LRBA: variants seen among roughly 807,000 people sequenced by gnomAD.
LRBA encodes the protein lipopolysaccharide-responsive and beige-like anchor protein.
A neutral mutation model predicts 330.0 loss-of-function variants in LRBA; 176 were observed. The ratio of observed to expected loss-of-function variants is 0.53; its 90% CI spans 0.47 to 0.60. LRBA has a LOEUF of 0.60. Among genes scored for constraint, LRBA ranks in the 20% least tolerant of loss-of-function variants. The pLI is 0.00. For missense variants in LRBA, 3,259 were observed against 3,444.8 expected (o/e 0.95, Z 1.35); for synonymous variants, 1,230 against 1,193.0 (o/e 1.03, Z -0.64).
chr4:150,922,062 C>T (rs987209189), intron 4 of LRBA, among the ~76,000 whole-genome samples: 6 of 151,716 alleles, frequency 4.0e-5, no homozygotes, highest in South Asian at 2.1e-4. Flanking sequence ...GGTTTCACCA[C>T]GTTGGCCAGA....
chr4:150,373,172 T>TGTGTGAGA (rs1283762385), intron 47 of LRBA, among the ~76,000 whole-genome samples: 18 of 97,506 alleles, frequency 1.8e-4, no homozygotes, highest in African/African-American at 7.5e-4. Flanking sequence ...TGTGTGTGTG[T>TGTGTGAGA]GAGAGAGAGA....
intron 40 of LRBA, among the ~76,000 whole-genome samples, chr4:150,532,614 TAA>T (rs1340494645): frequency 1.3e-5 from 2 of 152,144 alleles, no homozygotes; most frequent in Non-Finnish European, 2.9e-5. Flanking sequence ...TTGCTATTTT[TAA>T]AAGTTAATTT....
Position 150,848,835 on chromosome 4 carries a change from C to T in LRBA, c.4322G>A (p.Arg1441Gln), listed in dbSNP as rs1478911025. The change falls in exon 26 of 57, where the codon CGG becomes CAG. Residue 1441 changes from arginine (R) to glutamine (Q), a missense_variant. Physicochemically the swap from Arg to Gln is conservative, Grantham distance 43. Transcript: ENST00000651943. ...EKSMSSGGILRQCLRLVCAVA... is the reference protein window; with the variant it reads ...EKSMSSGGILQQCLRLVCAVA... ...CAGCTCACCTAGTCGGAGACACTGC[C>T]GCAAAATTCCTCCAGATGACATACT... The T allele has an allele frequency of 3.1e-6, 5 of 1,605,046 alleles. No individual in the cohort carries two copies. The highest frequency in any genetic ancestry group is 1.1e-5 in the South Asian group (1 of 89,406).
intron 4 of LRBA, among the ~76,000 whole-genome samples, chr4:150,922,689 C>A (rs1008918311): frequency 5.9e-5 from 9 of 151,888 alleles, no homozygotes; most frequent in African/African-American, 2.2e-4. Flanking sequence ...GTGACGGGTG[C>A]ACCAAAATCT....
intron 37 of LRBA, among the ~76,000 whole-genome samples, chr4:150,601,869 T>G (rs891342124): frequency 6.6e-6 from 1 of 152,040 alleles, no homozygotes; most frequent in Non-Finnish European, 1.5e-5. Flanking sequence ...TTTTTTGTGT[T>G]TTTAGTAGAG....
chr4:150,762,693 A>G (rs1028312688), intron 34 of LRBA, among the ~76,000 whole-genome samples: 3 of 151,932 alleles, frequency 2.0e-5, no homozygotes, highest in African/African-American at 7.2e-5. Flanking sequence ...AACTGGAAAT[A>G]CATACATAAT....
chr4:150,443,868 ATATATTTTTTTTTTTTTTTT>A (rs1490148607), intron 44 of LRBA, among the ~76,000 whole-genome samples: 2 of 55,430 alleles, frequency 3.6e-5, no homozygotes, highest in East Asian at 1.2e-3. Context: ...ATATATATAT[ATATATTTTTTTTTTTTTTTT>A]TTTTTAAAGC....
chr4:150,868,945 A>C (rs1455231406), intron 20 of LRBA, among the ~76,000 whole-genome samples: 1 of 152,244 alleles, frequency 6.6e-6, no homozygotes. Flanking sequence ...CTCAAAAAAA[A>C]ATAATGAAAT....
chr4:150,538,825 A>C (rs1018007220), intron 40 of LRBA, among the ~76,000 whole-genome samples: 30 of 151,812 alleles, frequency 2.0e-4, no homozygotes, highest in South Asian at 4.1e-4. Context: ...AAAAAAAAAA[A>C]AAAAACAAAA....
intron 5 of LRBA, among the ~76,000 whole-genome samples, chr4:150,919,760 T>A (rs16998835): frequency 0.026 from 3,918 of 152,312 alleles, 66 homozygotes; most frequent in Middle Eastern, 0.031. Context: ...AAATTCCCAG[T>A]AAAAGCTATG....
Position 150,755,676 on chromosome 4 carries a change from G to A in LRBA, c.5645+6107C>T, listed in dbSNP as rs146895168. Among the ~76,000 whole-genome samples, 799 of 151,770 alleles carry A rather than the reference G, an allele frequency of 5.3e-3. 29 individuals carry two copies. Among genetic ancestry groups the A allele is most frequent in the Admixed American group, 0.038 (579 of 15,234 alleles). On this transcript the variant is annotated intron_variant, in intron 35 of 56. Transcript: ENST00000651943. ...AAAAATTAGCCAATAAAACTATGCC[G>A]GTTTTTTTATTTAAAGTATAAATGA...
intron 2 of LRBA, among the ~76,000 whole-genome samples, chr4:150,989,087 C>G (rs1016859564): frequency 1.3e-5 from 2 of 152,086 alleles, no homozygotes; most frequent in Non-Finnish European, 2.9e-5. Context: ...ACTGGAACCT[C>G]TGCCTCCAGG....
intron 46 of LRBA, among the ~76,000 whole-genome samples, chr4:150,417,210 C>CATAT (rs900417324): frequency 6.6e-6 from 1 of 151,650 alleles, no homozygotes; most frequent in Non-Finnish European, 1.5e-5. Flanking sequence ...ATATATCTTT[C>CATAT]ATATATATAT....
chr4:150,829,835 T>A (rs1253999322), intron 29 of LRBA, among the ~76,000 whole-genome samples: 1 of 151,932 alleles, frequency 6.6e-6, no homozygotes, highest in Non-Finnish European at 1.5e-5. Context: ...TAAAAAAACC[T>A]CTCAAACTCA....
intron 18 of LRBA, 41 bp downstream of exon 18, chr4:150,872,622 A>C (rs368996156): frequency 7.2e-6 from 9 of 1,246,692 alleles, no homozygotes; most frequent in Non-Finnish European, 1.0e-5. Context: ...AAAATAAATA[A>C]GTAGAATACA....
At chr4:150,582,920 G>A (rs1561385965) in intron 40 of LRBA, 2 of 1,308,890 alleles carry the variant, frequency 1.5e-6, no homozygotes, top group South Asian at 3.0e-5. Context: ...GGGCTTAACG[G>A]GGAGCGCACC....
intron 34 of LRBA, among the ~76,000 whole-genome samples, chr4:150,781,945 G>A (rs889073972): frequency 3.3e-5 from 5 of 151,954 alleles, no homozygotes; most frequent in African/African-American, 1.2e-4. Flanking sequence ...GTCTTGTTCT[G>A]TCACTCACTG....
chr4:150,554,700 C>T (rs1259319999), intron 40 of LRBA, among the ~76,000 whole-genome samples: 1 of 151,956 alleles, frequency 6.6e-6, no homozygotes, highest in Non-Finnish European at 1.5e-5. Context: ...TTATAGACTC[C>T]TTTCTGACCT....
intron 35 of LRBA, among the ~76,000 whole-genome samples, chr4:150,745,884 T>C (rs1295912309): frequency 6.6e-6 from 1 of 152,220 alleles, no homozygotes; most frequent in African/African-American, 2.4e-5. Flanking sequence ...GTTTTCAAGA[T>C]GTCCATTTAC....
Sources: allele counts gnomAD v4.1 joint callset (sites outside exome capture counted in the v4.1 genomes callset), GRCh38; gene constraint gnomAD v4.1.1; transcripts MANE v1.5; gene names NCBI Gene and HGNC (gene_info 2026-07-23, HGNC 2026-07-21).